VIRMA: variants seen among roughly 807,000 people sequenced by gnomAD.
VIRMA encodes the protein protein virilizer homolog.
In VIRMA, 65 loss-of-function variants were observed where a neutral mutation model predicts 182.4. The observed-to-expected ratio is 0.36, with a 90% CI of 0.29 to 0.44. The LOEUF is 0.44. VIRMA is among the 20% of genes least tolerant of loss of function. VIRMA has a pLI of 1.00. For synonymous variants in VIRMA, 709 were observed against 743.1 expected (o/e 0.95, Z 0.75); for missense variants, 1,752 against 2,158.1 (o/e 0.81, Z 3.73).
intron 11 of VIRMA, 108 bp downstream of exon 11, chr8:94,514,761 G>C: frequency 1.6e-6 from 1 of 606,882 alleles, no homozygotes; most frequent in South Asian, 2.8e-5. Context: ...AATCAATCAA[G>C]GACACTTAAC....
chr8:94,553,464 G>T lies in VIRMA; in HGVS notation c.-17C>A. On this transcript the variant is annotated 5_prime_UTR_variant, in exon 1 of 24. Transcript: ENST00000297591. ...CACCGCCATGTTTGCCGCGGGCGGG[G>T]AACAGGGGGGAGGACTTCCGGGGCA... 1 of 1,613,462 alleles carries T rather than the reference G, an allele frequency of 6.2e-7. No individual in the cohort carries two copies. The highest frequency in any genetic ancestry group is 8.5e-7 in the Non-Finnish European group (1 of 1,179,412).
intron 15 of VIRMA, among the ~76,000 whole-genome samples, chr8:94,509,480 T>C (rs1814281108): frequency 6.6e-6 from 1 of 151,368 alleles, no homozygotes; most frequent in South Asian, 2.1e-4. Flanking sequence ...ACGGAAACAC[T>C]GGCACATAAA....
intron 16 of VIRMA, among the ~76,000 whole-genome samples, chr8:94,500,070 A>C (rs1176411643): frequency 2.0e-5 from 3 of 151,142 alleles, no homozygotes; most frequent in African/African-American, 4.9e-5. Flanking sequence ...AAAAAAAAAA[A>C]AAAACTTAAC....
intron 20 of VIRMA, among the ~76,000 whole-genome samples, chr8:94,493,506 C>A (rs1364026593): frequency 3.3e-5 from 5 of 152,190 alleles, no homozygotes; most frequent in Admixed American, 3.3e-4. Flanking sequence ...AAATAAAATT[C>A]AGTTCCCTAG....
chr8:94,512,169 T>C, intron 11 of VIRMA, 80 bp from the exon 12 acceptor site: 1 of 534,384 alleles, frequency 1.9e-6, no homozygotes, highest in Non-Finnish European at 3.0e-6. Flanking sequence ...AAGGAATTAC[T>C]TGAAAATATG....
rs752841212 is a variant in VIRMA at position 94,517,854 on chromosome 8, G to C, written c.2602C>G (p.Leu868Val). Residue 868 changes from leucine (L) to valine (V), a missense_variant, in exon 10 of 24, where the codon CTA (leucine) becomes GTA (valine). Transcript: ENST00000297591. ...VVQSSSDVQM[L>V]EQHAASLLKL... ...AAGAGAGATGCTGCATGTTGTTCTA[G>C]CATTTGAACATCACTGGAAGACTGA... 6.2e-7 allele frequency: 1 copy of C among 1,611,584 alleles called. No homozygotes were observed. Among genetic ancestry groups the C allele is most frequent in the Non-Finnish European group, 8.5e-7 (1 of 1,178,030 alleles).
At chr8:94,529,801 G>A (rs1028904391) in intron 6 of VIRMA, among the ~76,000 whole-genome samples, 5 of 151,744 alleles carry the variant, frequency 3.3e-5, no homozygotes, top group Admixed American at 1.3e-4. Context: ...CACCACACCC[G>A]GCTAATTTTT....
intron 11 of VIRMA, among the ~76,000 whole-genome samples, chr8:94,513,390 C>A (rs985679566): frequency 2.1e-5 from 3 of 145,838 alleles, no homozygotes; most frequent in African/African-American, 7.6e-5. Context: ...ATTCAAAAAA[C>A]GTTACTATCT....
intron 12 of VIRMA, 35 bp from the exon 13 acceptor site, chr8:94,511,764 T>C: frequency 1.4e-6 from 2 of 1,443,690 alleles, no homozygotes; most frequent in Non-Finnish European, 9.5e-7. Flanking sequence ...ACAAAACTAA[T>C]TACTTATATG....
intron 1 of VIRMA, among the ~76,000 whole-genome samples, chr8:94,544,232 C>T (rs997095281): frequency 6.6e-6 from 1 of 152,110 alleles, no homozygotes; most frequent in Non-Finnish European, 1.5e-5. Context: ...GAGCCAAATG[C>T]CTTTCAGAAT....
chr8:94,504,011 A>G (rs899395432), intron 16 of VIRMA, among the ~76,000 whole-genome samples: 1 of 151,994 alleles, frequency 6.6e-6, no homozygotes, highest in Admixed American at 6.6e-5. Context: ...GCTCTCTACT[A>G]AAAATTCAAA....
At chr8:94,551,883 A>C (rs980762488) in intron 1 of VIRMA, among the ~76,000 whole-genome samples, 3 of 152,094 alleles carry the variant, frequency 2.0e-5, no homozygotes, top group African/African-American at 7.2e-5. Context: ...AACCACCACA[A>C]CTAGTTAATT....
chr8:94,520,271 G>A (rs1394345929), intron 8 of VIRMA, among the ~76,000 whole-genome samples: 1 of 151,582 alleles, frequency 6.6e-6, no homozygotes, highest in Non-Finnish European at 1.5e-5. Context: ...GAGGCTGGAG[G>A]ATCACTTGAG....
At position 94,510,630 on chromosome 8, in the gene VIRMA, G is replaced by A. The variant is rs140782142; in HGVS notation, c.3413C>T (p.Ser1138Leu). 5.0e-6 allele frequency: 8 copies of A among 1,613,434 alleles called. No individual in the cohort carries two copies. In the African/African-American group the frequency reaches 9.3e-5, roughly 19 times the overall value. ...CAATTTTCGGGTGTTGAGTGCCACT[G>A]ATATATCATGTGGCTCAATAACCTG... ...TTQVIEPHDI[S>L]VALNTRKLWS... is the part of the protein sequence containing the mutation. Residue 1138 changes from serine (S) to leucine (L), a missense_variant, in exon 14 of 24, where the codon TCA (serine) becomes TTA (leucine). Around this residue, in one of 11 missense-constraint regions of VIRMA, gnomAD observed 777 missense variants for 920.6 expected, o/e 0.84. Transcript: ENST00000297591.
At position 94,492,637 on chromosome 8, in the gene VIRMA, T is replaced by C; in HGVS notation, c.4808+15A>G. ...ATGTGATGACATTTGAGATCTTCAGTGGAATAAATTTTACCTTGACGTTAT... is the reference window on the plus strand; with the variant it reads ...ATGTGATGACATTTGAGATCTTCAGCGGAATAAATTTTACCTTGACGTTAT... On this transcript the variant is annotated intron_variant, in intron 21 of 23. Transcript: ENST00000297591. The C allele has an allele frequency of 6.2e-7, 1 of 1,604,372 alleles. No individual in the cohort carries two copies. Among genetic ancestry groups the C allele is most frequent in the Non-Finnish European group, 8.5e-7 (1 of 1,172,296 alleles).
At chr8:94,534,663 C>T (rs1270494656) in intron 5 of VIRMA, among the ~76,000 whole-genome samples, 176 bp downstream of exon 5, 1 of 151,122 alleles carries the variant, frequency 6.6e-6, no homozygotes, top group Non-Finnish European at 1.5e-5. Flanking sequence ...TTCTCTCCCC[C>T]TCTGCCCCTC....
chr8:94,500,709 A>T (rs180727470), intron 16 of VIRMA, among the ~76,000 whole-genome samples: 3,788 of 150,580 alleles, frequency 0.025, 169 homozygotes, highest in African/African-American at 0.088. Flanking sequence ...TTAAGGTTAA[A>T]CACACACACC....
intron 15 of VIRMA, 101 bp downstream of exon 15, chr8:94,509,587 G>T: frequency 3.2e-6 from 4 of 1,239,906 alleles, no homozygotes; most frequent in Non-Finnish European, 4.5e-6. Flanking sequence ...GATGACAGCT[G>T]TTCATTCACA....
chr8:94,511,432 G>C lies in VIRMA; in HGVS notation c.3143C>G (p.Pro1048Arg). Residue 1048 changes from proline to arginine, a missense_variant, in exon 13 of 24, where the codon CCC (proline) becomes CGC (arginine). Physicochemically the swap from Pro to Arg is moderately radical, Grantham distance 103. This residue lies in a region of VIRMA where 777 missense variants were observed against 920.6 expected (regional missense o/e 0.84). Transcript: ENST00000297591. ...ATCACTATCCAAACGACCTGAGAGG[G>C]GGATAGAGCACAGGAGCATATGTAA... ...VTLHMLLCSIPLSGRLDSDEQ... is the reference protein window; with the variant it reads ...VTLHMLLCSIRLSGRLDSDEQ... 1 of 1,614,008 alleles carries C rather than the reference G, an allele frequency of 6.2e-7. No individual in the cohort carries two copies. The highest frequency in any genetic ancestry group is 1.1e-5 in the South Asian group (1 of 91,068).
Sources: allele counts gnomAD v4.1 joint callset (sites outside exome capture counted in the v4.1 genomes callset), GRCh38; gene constraint gnomAD v4.1.1; regional missense constraint gnomAD v4.1.1; transcripts MANE v1.5; gene names NCBI Gene and HGNC (gene_info 2026-07-23, HGNC 2026-07-21).